The following DCAF5 variants were observed in gnomAD, a reference collection of about 807,000 sequenced individuals.
The protein encoded by DCAF5 is DDB1- and CUL4-associated factor 5.
In DCAF5, 9 loss-of-function variants were observed where a neutral mutation model predicts 80.7. That is an observed-to-expected ratio of 0.11 (90% confidence interval 0.07 to 0.19). DCAF5 has a LOEUF of 0.19. DCAF5 is among the 10% of genes least tolerant of loss of function. DCAF5 has a pLI of 1.00. For synonymous variants in DCAF5, 433 were observed against 461.9 expected (o/e 0.94, Z 0.80); for missense variants, 842 against 1,205.7 (o/e 0.70, Z 4.47).
chr14:69,106,730 C>T (rs573216077), intron 5 of DCAF5, among the ~76,000 whole-genome samples: 5 of 152,236 alleles, frequency 3.3e-5, no homozygotes, highest in African/African-American at 1.2e-4. Flanking sequence ...AAGAAAACGT[C>T]AACATTTGAT....
chr14:69,073,655 C>CA (rs967518493), intron 7 of DCAF5, among the ~76,000 whole-genome samples: 41 of 151,136 alleles, frequency 2.7e-4, no homozygotes, highest in Admixed American at 2.0e-4. Flanking sequence ...CTGTCTCTTA[C>CA]AAAAAAAAGA....
chr14:69,091,904 A>G lies in DCAF5; in HGVS notation c.666-17T>C, dbSNP rs761700687. 10 of 1,598,826 alleles carry G rather than the reference A, an allele frequency of 6.3e-6. No individual in the cohort carries two copies. In the African/African-American group the frequency reaches 6.7e-5, roughly 11 times the overall value. ...AGGAGAGAACTGGAAGGCACAAGGC[A>G]CAGGAATCAGGCATGAGATAGGCTA... On this transcript the variant is annotated splice_polypyrimidine_tract_variant and intron_variant, in intron 5 of 8. Transcript: ENST00000341516.
intron 5 of DCAF5, among the ~76,000 whole-genome samples, chr14:69,106,180 C>G (rs1399347031): frequency 1.3e-5 from 2 of 149,464 alleles, no homozygotes; most frequent in Non-Finnish European, 1.5e-5. Flanking sequence ...CCTCAGCCCC[C>G]CGAGTAGCTG....
chr14:69,076,855 T>C (rs1399251198), intron 6 of DCAF5, among the ~76,000 whole-genome samples: 5 of 152,340 alleles, frequency 3.3e-5, no homozygotes, highest in Non-Finnish European at 7.4e-5. Flanking sequence ...CCCAGAGATC[T>C]TTCACGTAAG....
Position 69,055,522 on chromosome 14 carries a change from C to T in DCAF5, c.1164G>A (p.Glu388=). The T allele has an allele frequency of 6.2e-7, 1 of 1,614,200 alleles. No individual in the cohort carries two copies. Among genetic ancestry groups the T allele is most frequent in the Non-Finnish European group, 8.5e-7 (1 of 1,180,032 alleles). ...DDSRCLYTHE[E]YISLVLNSGS... is the part of the protein sequence containing the mutation. ...CACTGTTCAGCACAAGGCTGATGTA[C>T]TCTTCATGGGTATAGAGGCAGCGGG... Residue 388 remains glutamate (E), a synonymous_variant, in exon 9 of 9, where the codon GAG becomes GAA. Coordinates refer to ENST00000341516, the MANE Select transcript of DCAF5 (RefSeq NM_003861.3). This position sits in a 1 kb window ranked among gnomAD's most constrained non-coding sequence, Gnocchi z 5.6.
chr14:69,132,710 T>C (rs1255059519), intron 1 of DCAF5, among the ~76,000 whole-genome samples: 1 of 151,012 alleles, frequency 6.6e-6, no homozygotes, highest in Non-Finnish European at 1.5e-5. Context: ...GGTGATATAA[T>C]GTGGGGCAGC....
intron 6 of DCAF5, chr14:69,084,380 GCTGATCGTAT>G: frequency 1.1e-6 from 1 of 918,620 alleles, no homozygotes; most frequent in Admixed American, 1.7e-5. Context: ...TATCGATGAA[GCTGATCGTAT>G]CTTGGATGTT....
intron 6 of DCAF5, chr14:69,083,459 G>A (rs994144289): frequency 1.6e-5 from 5 of 321,042 alleles, no homozygotes; most frequent in South Asian, 6.8e-5. Context: ...CTCAAACTGC[G>A]GCAGTGGAAC....
intron 1 of DCAF5, among the ~76,000 whole-genome samples, chr14:69,127,680 A>G (rs551728309): frequency 1.1e-3 from 164 of 152,304 alleles, no homozygotes; most frequent in African/African-American, 2.2e-3. Context: ...ATGTTTACCA[A>G]TTTTAACAAA....
chr14:69,124,174 T>C (rs1231691796), intron 1 of DCAF5, among the ~76,000 whole-genome samples: 1 of 152,222 alleles, frequency 6.6e-6, no homozygotes, highest in Non-Finnish European at 1.5e-5. Flanking sequence ...TAAGGCTGAA[T>C]AGTATTCCAT....
intron 7 of DCAF5, among the ~76,000 whole-genome samples, chr14:69,069,815 C>G (rs1019007103): frequency 4.6e-5 from 7 of 152,012 alleles, no homozygotes; most frequent in African/African-American, 1.7e-4. Flanking sequence ...GACAGGTTCC[C>G]ACTATGTTGC....
At chr14:69,093,731 T>C (rs529083594) in intron 5 of DCAF5, among the ~76,000 whole-genome samples, 2 of 152,338 alleles carry the variant, frequency 1.3e-5, no homozygotes, top group Non-Finnish European at 2.9e-5. Context: ...GCTCTGGTAG[T>C]GCAGCTATGT....
intron 7 of DCAF5, among the ~76,000 whole-genome samples, chr14:69,067,069 A>G (rs2038471617): frequency 6.6e-6 from 1 of 152,154 alleles, no homozygotes. Flanking sequence ...TAAACATACT[A>G]CATAATTTAC....
chr14:69,072,417 C>T (rs1234723308), intron 7 of DCAF5, among the ~76,000 whole-genome samples: 1 of 150,872 alleles, frequency 6.6e-6, no homozygotes, highest in African/African-American at 2.4e-5. Flanking sequence ...GAAGGAAGAA[C>T]AGAAAGAAAA....
chr14:69,116,502 A>C lies in DCAF5; in HGVS notation c.536-7T>G. On this transcript the variant is annotated splice_region_variant and splice_polypyrimidine_tract_variant and intron_variant, in intron 4 of 8. Coordinates refer to ENST00000341516, the MANE Select transcript of DCAF5 (RefSeq NM_003861.3). ...TTTGCCAGGCAGAAGGGCTCTGTGG[A>C]AAGAAAAATTATAATCAGTTCACTC... The C allele has an allele frequency of 6.2e-7, 1 of 1,611,658 alleles. No individual in the cohort carries two copies. The highest frequency in any genetic ancestry group is 8.5e-7 in the Non-Finnish European group (1 of 1,178,308).
intron 1 of DCAF5, among the ~76,000 whole-genome samples, chr14:69,136,113 CTTTTTTTT>C (rs35359938): frequency 4.8e-5 from 6 of 125,316 alleles, no homozygotes; most frequent in African/African-American, 1.2e-4. Context: ...ATGTGTAAAA[CTTTTTTTT>C]TTTTTTTTTT....
chr14:69,142,953 G>C (rs907318224), intron 1 of DCAF5, among the ~76,000 whole-genome samples: 1 of 152,292 alleles, frequency 6.6e-6, no homozygotes, highest in East Asian at 1.9e-4. Flanking sequence ...ACTAAAGTAG[G>C]GAGTTAAACC....
In DCAF5 at chr14:69,053,086, T is replaced by C. The variant is rs1373294045; in HGVS notation, c.*771A>G. 6.6e-6 allele frequency: 1 copy of C among 152,244 alleles called. No homozygotes were observed. The highest frequency in any genetic ancestry group is 1.5e-5 in the Non-Finnish European group (1 of 68,034). 9.4% of individuals were successfully genotyped at this position (152,244 alleles called of 1,614,324 possible). On this transcript the variant is annotated 3_prime_UTR_variant, in exon 9 of 9. Transcript: ENST00000341516. Reference sequence around the variant, plus strand: ...GTTATCCATGACTAGCTCTATTTTATGGCCTTCATACAGTACATGTTGCAG... The same window carrying C: ...GTTATCCATGACTAGCTCTATTTTACGGCCTTCATACAGTACATGTTGCAG...
At chr14:69,147,556 C>T (rs1484466887) in intron 1 of DCAF5, among the ~76,000 whole-genome samples, 3 of 152,074 alleles carry the variant, frequency 2.0e-5, no homozygotes, top group Admixed American at 2.0e-4. Context: ...TGGTGTTCAC[C>T]CCAGGCAGTC....
Sources: allele counts gnomAD v4.1 joint callset (sites outside exome capture counted in the v4.1 genomes callset), GRCh38; gene constraint gnomAD v4.1.1; non-coding constraint Gnocchi (gnomAD v3.1); transcripts MANE v1.5; gene names NCBI Gene and HGNC (gene_info 2026-07-23, HGNC 2026-07-21).